SV2B: variants seen among roughly 807,000 people sequenced by gnomAD.
SV2B encodes solute carrier family 22 member B2.
A neutral mutation model predicts 73.9 loss-of-function variants in SV2B; 41 were observed. The ratio of observed to expected loss-of-function variants is 0.56; its 90% CI spans 0.43 to 0.72. The LOEUF (loss-of-function observed/expected upper bound fraction) is 0.72. Ranked by LOEUF, SV2B falls within the 30% of genes least tolerant of loss-of-function variation. The pLI is 0.00. For missense variants in SV2B, 764 were observed against 857.8 expected, an observed-to-expected ratio of 0.89 and a Z score of 1.37; for synonymous variants, 314 against 314.2, an observed-to-expected ratio of 1.00 and a Z score of 0.01.
intron 1 of SV2B, among the ~76,000 whole-genome samples, chr15:91,131,441 TTGTGTGTGTA>T (rs1266174353): frequency 1.3e-5 from 2 of 151,528 alleles, no homozygotes; most frequent in African/African-American, 4.9e-5. Context: ...ACATATATGT[TTGTGTGTGTA>T]TGTGTATATG....
chr15:91,228,128 G>C (rs144464603), intron 2 of SV2B, among the ~76,000 whole-genome samples: 1 of 152,236 alleles, frequency 6.6e-6, no homozygotes, highest in East Asian at 1.9e-4. Context: ...ATAAAAAATT[G>C]TCCCTGGGGG....
At chr15:91,164,066 A>G (rs899604916) in intron 1 of SV2B, among the ~76,000 whole-genome samples, 1 of 152,248 alleles carries the variant, frequency 6.6e-6, no homozygotes, top group Admixed American at 6.5e-5. Flanking sequence ...CAAAGATCAG[A>G]TGGTTGTAGA....
intron 1 of SV2B, among the ~76,000 whole-genome samples, chr15:91,150,755 A>C (rs1259570532): frequency 6.6e-6 from 1 of 152,212 alleles, no homozygotes; most frequent in Non-Finnish European, 1.5e-5. Flanking sequence ...AAATAGTCAT[A>C]CTGTGGCAAA....
chr15:91,103,017 G>A (rs1184005207), intron 1 of SV2B, among the ~76,000 whole-genome samples: 3 of 152,210 alleles, frequency 2.0e-5, no homozygotes, highest in African/African-American at 7.2e-5. Flanking sequence ...TAGGACCTGA[G>A]GTCATAGGGG....
At chr15:91,159,749 T>C (rs1336728586) in intron 1 of SV2B, among the ~76,000 whole-genome samples, 1 of 152,194 alleles carries the variant, frequency 6.6e-6, no homozygotes, top group Non-Finnish European at 1.5e-5. Flanking sequence ...TATCCACTTA[T>C]TATTTGTCAA....
Position 91,115,811 on chromosome 15 carries a change from C to A in SV2B, c.-392+15448C>A, listed in dbSNP as rs1248666347. On this transcript the variant is annotated intron_variant, in intron 1 of 12. Transcript: ENST00000394232. The surrounding 1 kb of genome is among the most constrained non-coding windows in gnomAD (Gnocchi z 4.3). The stretch of plus-strand genomic sequence containing the variant: ...ATAATTCTCCCTAAAATGCCTTTTA[C>A]ATTTATTTATTTATTCAGCAAATGT... 2.6e-5 allele frequency among the ~76,000 whole-genome samples: 4 copies of A among 152,170 alleles called. No individual in the cohort carries two copies. The highest frequency in any genetic ancestry group is 4.1e-4 in the South Asian group (2 of 4,826).
chr15:91,192,597 G>A (rs1157557550), intron 1 of SV2B, among the ~76,000 whole-genome samples: 1 of 152,234 alleles, frequency 6.6e-6, no homozygotes, highest in Non-Finnish European at 1.5e-5. Flanking sequence ...ATGAACAACA[G>A]TCTCTGAGTT....
At chr15:91,149,023 C>G (rs1205025126) in intron 1 of SV2B, among the ~76,000 whole-genome samples, 1 of 152,204 alleles carries the variant, frequency 6.6e-6, no homozygotes, top group African/African-American at 2.4e-5. Flanking sequence ...TCGCATTGAC[C>G]AGGACAGAGG....
rs1408533056 is a variant in SV2B, at chr15:91,296,018, G to T, written c.*3466G>T. On this transcript the variant is annotated 3_prime_UTR_variant, in exon 13 of 13. Coordinates refer to ENST00000394232, the MANE Select transcript of SV2B (RefSeq NM_001323032.3). ...ACTTGTCAGCTGTGGATTTCCAAAT[G>T]TGGTGGCTCCCTCTTATTTTTTTTT... is the stretch of plus-strand genomic sequence containing the variant. 4 of 152,188 alleles carry T rather than the reference G, an allele frequency of 2.6e-5. No individual in the cohort carries two copies. Among genetic ancestry groups the T allele is most frequent in the Non-Finnish European group, 5.9e-5 (4 of 68,034 alleles). The allele number at this position is 152,188 out of a possible 1,614,324, so 9.4% of individuals were successfully genotyped here.
intron 2 of SV2B, among the ~76,000 whole-genome samples, chr15:91,228,460 T>G (rs191824401): frequency 6.6e-6 from 1 of 152,172 alleles, no homozygotes; most frequent in Non-Finnish European, 1.5e-5. Flanking sequence ...CTCCAACTGA[T>G]GTAAACATTT....
chr15:91,249,068 TCACACACACACACA>T (rs59552488), intron 2 of SV2B, among the ~76,000 whole-genome samples: 107 of 142,118 alleles, frequency 7.5e-4, no homozygotes, highest in African/African-American at 2.0e-3. Context: ...ATCTACGTTT[TCACACACACACACA>T]CACACACACA....
intron 1 of SV2B, among the ~76,000 whole-genome samples, chr15:91,187,772 A>G (rs994061751): frequency 9.9e-5 from 15 of 151,912 alleles, no homozygotes; most frequent in African/African-American, 3.4e-4. Flanking sequence ...ATATTTTTCT[A>G]TATTCATTTA....
rs1417344205 is a variant in SV2B, at chr15:91,174,724, G to T, written c.-391-51149G>T. ...GTCAAAGAAAAGCTTTTCTACAATA[G>T]CCCTCCAAATTTGTGACATTTCTAT... On this transcript the variant is annotated intron_variant, in intron 1 of 12. Transcript: ENST00000394232. Among the ~76,000 whole-genome samples the T allele has an allele frequency of 2.6e-5, 4 of 152,242 alleles. No individual in the cohort carries two copies. In the East Asian group the frequency reaches 7.7e-4, roughly 29 times the overall value.
Position 91,265,193 on chromosome 15 carries a change from A to C in SV2B, c.1009-1389A>C, listed in dbSNP as rs1305077966. Among the ~76,000 whole-genome samples, 1 of 152,152 alleles carries C rather than the reference A, an allele frequency of 6.6e-6. No individual in the cohort carries two copies. The highest frequency in any genetic ancestry group is 2.4e-5 in the African/African-American group (1 of 41,428). On this transcript the variant is annotated intron_variant, in intron 6 of 12. Transcript: ENST00000394232. This position sits in a 1 kb window ranked among gnomAD's most constrained non-coding sequence, Gnocchi z 4.2. ...ATTCAGTGGCCTGGAGGGAGAGCTTAGGGCAGTCACACTCTTAGTTGATGC... is the reference window on the plus strand; with the variant it reads ...ATTCAGTGGCCTGGAGGGAGAGCTTCGGGCAGTCACACTCTTAGTTGATGC...
chr15:91,116,566 T>C (rs1489920762), intron 1 of SV2B, among the ~76,000 whole-genome samples: 3 of 152,184 alleles, frequency 2.0e-5, no homozygotes, highest in Non-Finnish European at 4.4e-5. Flanking sequence ...CCGTGGGACT[T>C]TCCCTACTCA....
In SV2B at chr15:91,268,654, G is replaced by T. The variant is rs374383124; in HGVS notation, c.1373+49G>T. The T allele has an allele frequency of 1.4e-4, 221 of 1,584,806 alleles. No homozygotes were observed. The highest frequency in any genetic ancestry group is 2.9e-5 in the Non-Finnish European group (34 of 1,159,446). On this transcript the variant is annotated intron_variant, in intron 9 of 12. Coordinates refer to ENST00000394232, the MANE Select transcript of SV2B (RefSeq NM_001323032.3). The surrounding 1 kb of genome is among the most constrained non-coding windows in gnomAD (Gnocchi z 4.4). ...CCTCACATCAGGGTGACAGTCGTGG[G>T]GACTGTTATTGGGAGGGAGCCGGAG...
At chr15:91,189,107 T>C (rs1029720528) in intron 1 of SV2B, among the ~76,000 whole-genome samples, 2 of 152,218 alleles carry the variant, frequency 1.3e-5, no homozygotes, top group Non-Finnish European at 2.9e-5. Flanking sequence ...ATTACAGGAA[T>C]GAGCACGGCT....
chr15:91,233,830 A>G (rs182717072), intron 2 of SV2B, among the ~76,000 whole-genome samples: 4 of 152,280 alleles, frequency 2.6e-5, no homozygotes, highest in Admixed American at 1.3e-4. Flanking sequence ...ACCTGTAACT[A>G]GAGTCAAGTC....
At chr15:91,193,193 G>A (rs569233072) in intron 1 of SV2B, among the ~76,000 whole-genome samples, 12 of 152,306 alleles carry the variant, frequency 7.9e-5, no homozygotes, top group African/African-American at 2.2e-4. Flanking sequence ...GCAGCAAGAC[G>A]TAAGGGAGCC....
Sources: gnomAD v4.1 joint callset for allele counts (sites outside exome capture counted in the v4.1 genomes callset) on GRCh38, gnomAD v4.1.1 for gene constraint, Gnocchi (gnomAD v3.1) non-coding constraint, MANE v1.5 for transcripts, NCBI Gene and HGNC (gene_info 2026-07-23, HGNC 2026-07-21) for gene names.